DNAH17: variants seen among roughly 807,000 people sequenced by gnomAD.
DNAH17 encodes dynein axonemal heavy chain 17.
Under a neutral mutation model 485.6 loss-of-function variants are expected in DNAH17, and 376 were observed. That is an observed-to-expected ratio of 0.77 (90% CI 0.71 to 0.84). The LOEUF is 0.84. DNAH17 is among the 40% of genes least tolerant of loss of function. The pLI is 0.00. For missense variants in DNAH17, 6,370 were observed against 5,839.3 expected (o/e 1.09, Z -2.96); for synonymous variants, 3,031 against 2,405.9 (o/e 1.26, Z -7.60).
At position 78,449,438 on chromosome 17, in the gene DNAH17, A is replaced by G; in HGVS notation, c.11187T>C (p.Ile3729=). The change falls in exon 69 of 81, where the codon ATT becomes ATC. Residue 3729 remains isoleucine (I), a synonymous_variant. Transcript: ENST00000389840. ...CCTGAAACGTAACTTGTGCCAGGAA[A>G]ATGAGTTTGTCCCTCTCGAAGAGTC... ...ARGLFERDKL[I]FLAQVTFQVL... is the part of the protein sequence containing the mutation. The G allele has an allele frequency of 1.3e-6, 2 of 1,551,032 alleles. No homozygotes were observed. The highest frequency in any genetic ancestry group is 1.7e-6 in the Non-Finnish European group (2 of 1,146,578).
At position 78,558,247 on chromosome 17, in the gene DNAH17, G is replaced by A. The variant is rs776318069; in HGVS notation, c.2039C>T (p.Ala680Val). 3 of 1,613,450 alleles carry A rather than the reference G, an allele frequency of 1.9e-6. No homozygotes were observed. The highest frequency in any genetic ancestry group is 4.5e-5 in the East Asian group (2 of 44,874). Residue 680 changes from alanine (A) to valine (V), a missense_variant, in exon 14 of 81, where the codon GCA (alanine) becomes GTA (valine). Coordinates refer to ENST00000389840, the MANE Select transcript of DNAH17 (RefSeq NM_173628.4). ...CAAATACTTGACTTCTCTCAGAACTGCCACCAACTAAATGACAAACGAAGA... is the reference window on the plus strand; with the variant it reads ...CAAATACTTGACTTCTCTCAGAACTACCACCAACTAAATGACAAACGAAGA... ...IHVNFSKALV[A>V]VLREVKYLNF...
intron 57 of DNAH17, among the ~76,000 whole-genome samples, chr17:78,461,961 A>T (rs1228867788): frequency 6.6e-6 from 1 of 152,062 alleles, no homozygotes; most frequent in Non-Finnish European, 1.5e-5. Flanking sequence ...ACTGAATAGA[A>T]ACATATCAAC....
At chr17:78,503,427 C>T (rs1316576442) in intron 31 of DNAH17, among the ~76,000 whole-genome samples, 8 of 150,478 alleles carry the variant, frequency 5.3e-5, no homozygotes, top group African/African-American at 1.5e-4. Flanking sequence ...CCTCATGATC[C>T]GCCCACCTCG....
chr17:78,473,533 G>GAC (rs2088866924), intron 54 of DNAH17, among the ~76,000 whole-genome samples: 1 of 121,768 alleles, frequency 8.2e-6, no homozygotes, highest in Non-Finnish European at 1.6e-5. Flanking sequence ...GACAGAGTGA[G>GAC]ACTCTGTCTC....
chr17:78,551,436 C>T (rs1197344138), intron 16 of DNAH17, 99 bp downstream of exon 16: 6 of 1,070,690 alleles, frequency 5.6e-6, no homozygotes, highest in South Asian at 1.4e-5. Flanking sequence ...GCACCCCACA[C>T]ATCGCAGCAC....
intron 14 of DNAH17, among the ~76,000 whole-genome samples, chr17:78,556,918 C>T (rs1251150949): frequency 6.6e-6 from 1 of 152,174 alleles, no homozygotes; most frequent in African/African-American, 2.4e-5. Flanking sequence ...ACAGAGAAAA[C>T]AGAACACGTA....
At chr17:78,466,572 C>G in intron 56 of DNAH17, 83 bp downstream of exon 56, 1 of 1,399,050 alleles carries the variant, frequency 7.1e-7, no homozygotes, top group Non-Finnish European at 9.4e-7. Context: ...TCCCAGCGCC[C>G]TTTTCTCCCA....
At chr17:78,572,037 G>T (rs2092366036) in intron 3 of DNAH17, among the ~76,000 whole-genome samples, 1 of 152,216 alleles carries the variant, frequency 6.6e-6, no homozygotes, top group Admixed American at 6.5e-5. Context: ...CTCCAAGGAA[G>T]CGGGAGAGAA....
intron 5 of DNAH17, 69 bp downstream of exon 5, chr17:78,571,210 G>C (rs778079131): frequency 1.7e-4 from 251 of 1,438,734 alleles, no homozygotes; most frequent in Non-Finnish European, 2.4e-4. Flanking sequence ...TTGGTGACAA[G>C]TCTGACCCAG....
At chr17:78,542,833 G>C (rs1040696613) in intron 17 of DNAH17, among the ~76,000 whole-genome samples, 6 of 152,220 alleles carry the variant, frequency 3.9e-5, no homozygotes, top group Non-Finnish European at 5.9e-5. Context: ...AATGGTCCTC[G>C]CTCTTCCCAT....
intron 15 of DNAH17, among the ~76,000 whole-genome samples, 185 bp downstream of exon 15, chr17:78,552,512 C>CTTTT (rs35637364): frequency 2.3e-5 from 3 of 132,414 alleles, no homozygotes; most frequent in East Asian, 2.3e-4. Context: ...CACAGATGGG[C>CTTTT]TTTTTTTTTT....
intron 48 of DNAH17, among the ~76,000 whole-genome samples, chr17:78,484,585 G>A (rs1159896858): frequency 1.3e-5 from 2 of 151,786 alleles, no homozygotes; most frequent in Non-Finnish European, 2.9e-5. Flanking sequence ...CCCCCCCTCC[G>A]CGGGGGCTCT....
At chr17:78,440,949 T>G (rs1458708190) in intron 72 of DNAH17, 102 bp downstream of exon 72, 1 of 1,390,940 alleles carries the variant, frequency 7.2e-7, no homozygotes, top group African/African-American at 1.4e-5. Flanking sequence ...GCGTCTTGGG[T>G]GTGAAGTGGT....
chr17:78,438,664 AATTTTTGT>A (rs1483663052), intron 73 of DNAH17, among the ~76,000 whole-genome samples: 1 of 150,976 alleles, frequency 6.6e-6, no homozygotes, highest in African/African-American at 2.4e-5. Flanking sequence ...ACACTTGGCT[AATTTTTGT>A]ATTTTTAGTA....
At chr17:78,539,926 T>C (rs1435887242) in intron 17 of DNAH17, 46 bp from the exon 18 acceptor site, 5 of 1,515,972 alleles carry the variant, frequency 3.3e-6, no homozygotes, top group African/African-American at 2.8e-5. Context: ...CTGGCTGTGC[T>C]TGCTCTTTGA....
chr17:78,539,901 T>A, intron 17 of DNAH17, 21 bp from the exon 18 acceptor site: 1 of 1,548,238 alleles, frequency 6.5e-7, no homozygotes, highest in Non-Finnish European at 8.7e-7. Context: ...AAGCGCACAG[T>A]TGGGCCTCAC....
Position 78,532,514 on chromosome 17 carries a change from T to C in DNAH17, c.3082A>G (p.Thr1028Ala). ...TGGAACTGAGCCAGGGTGGGCGGTGTCTTGGGGATGGTGTCATCTGTCCAG... is the reference window on the plus strand; with the variant it reads ...TGGAACTGAGCCAGGGTGGGCGGTGCCTTGGGGATGGTGTCATCTGTCCAG... ...DTWTDDTIPK[T>A]PPTLAQFQEQ... Residue 1028 changes from threonine to alanine, a missense_variant, in exon 20 of 81, where the codon ACA becomes GCA. Transcript: ENST00000389840. 1.9e-6 allele frequency: 3 copies of C among 1,611,164 alleles called. No homozygotes were observed. The highest frequency in any genetic ancestry group is 1.3e-5 in the African/African-American group (1 of 74,984).
rs1044496879 is a variant in DNAH17 at position 78,449,294 on chromosome 17, G to A, written c.11211+120C>T. ...TCACCTGGGTATATTGCTAAAATGC[G>A]GGTTTGAAATCACCAGGTTTGGGTG... On this transcript the variant is annotated intron_variant, in intron 69 of 80. Transcript: ENST00000389840. 11 of 1,015,680 alleles carry A rather than the reference G, an allele frequency of 1.1e-5. No homozygotes were observed. The South Asian group carries it at 1.2e-4, about 11-fold the overall frequency. 62.9% of individuals were successfully genotyped at this position (1,015,680 alleles called of 1,614,324 possible).
chr17:78,573,437 G>T (rs2092388124), intron 2 of DNAH17, among the ~76,000 whole-genome samples: 1 of 151,764 alleles, frequency 6.6e-6, no homozygotes, highest in Admixed American at 6.6e-5. Flanking sequence ...CGTCTCTACT[G>T]AAAATATAAA....
Sources: gnomAD v4.1 joint callset for allele counts (sites outside exome capture counted in the v4.1 genomes callset) on GRCh38, gnomAD v4.1.1 for gene constraint, MANE v1.5 for transcripts, NCBI Gene and HGNC (gene_info 2026-07-23, HGNC 2026-07-21) for gene names.